MAGI2: variants seen among roughly 807,000 people sequenced by gnomAD.
MAGI2 encodes the protein membrane-associated guanylate kinase, WW and PDZ domain-containing protein 2.
MAGI2 carries 35 observed loss-of-function variants against 133.3 expected under a neutral mutation model. The ratio of observed to expected loss-of-function variants is 0.26; its 90% CI spans 0.20 to 0.35. The LOEUF (loss-of-function observed/expected upper bound fraction) is 0.35. Ranked by LOEUF, MAGI2 falls within the 10% of genes least tolerant of loss-of-function variation. The probability of loss-of-function intolerance (pLI) is 1.00; values close to 1 mark genes in which losing one functional copy is unlikely to be tolerated. For synonymous variants in MAGI2, 729 were observed against 710.6 expected (o/e 1.03, Z -0.41); for missense variants, 1,636 against 1,863.4 (o/e 0.88, Z 2.25).
At chr7:78,564,479 T>C (rs1800730365) in intron 3 of MAGI2, among the ~76,000 whole-genome samples, 1 of 152,196 alleles carries the variant, frequency 6.6e-6, no homozygotes, top group Non-Finnish European at 1.5e-5. Flanking sequence ...AAGTTTCAGG[T>C]TAGCAAAGAA....
At chr7:78,552,863 T>C (rs995425415) in intron 3 of MAGI2, among the ~76,000 whole-genome samples, 20 of 152,030 alleles carry the variant, frequency 1.3e-4, no homozygotes, top group African/African-American at 4.8e-4. Flanking sequence ...AGAAACAAGT[T>C]CGAAGGCAGA....
intron 20 of MAGI2, among the ~76,000 whole-genome samples, chr7:78,098,728 G>A (rs6950731): frequency 0.053 from 7,989 of 152,166 alleles, 311 homozygotes; most frequent in Non-Finnish European, 0.079. Context: ...AGTAGTGACC[G>A]TAGTAAGCTC....
intron 9 of MAGI2, among the ~76,000 whole-genome samples, chr7:78,319,506 A>G (rs981203735): frequency 2.6e-5 from 4 of 152,236 alleles, no homozygotes. Flanking sequence ...TGGAAACTGA[A>G]CAACCTGCTC....
intron 9 of MAGI2, among the ~76,000 whole-genome samples, chr7:78,257,617 C>T (rs1339433869): frequency 6.6e-6 from 1 of 152,004 alleles, no homozygotes; most frequent in Admixed American, 6.6e-5. Flanking sequence ...AAAATCATGG[C>T]TGTTTGAGAT....
intron 2 of MAGI2, among the ~76,000 whole-genome samples, chr7:78,786,472 A>T (rs1024668373): frequency 2.0e-5 from 3 of 152,172 alleles, no homozygotes; most frequent in Admixed American, 2.0e-4. Context: ...GAGGCCTTTC[A>T]ACATTTGCTG....
At chr7:78,951,824 A>G (rs1161922876) in intron 2 of MAGI2, among the ~76,000 whole-genome samples, 3 of 152,140 alleles carry the variant, frequency 2.0e-5, no homozygotes, top group Admixed American at 1.3e-4. Flanking sequence ...TTACTTGTGA[A>G]TTCTCTGAAA....
chr7:78,382,534 C>G (rs1205189277), intron 6 of MAGI2, among the ~76,000 whole-genome samples: 1 of 151,918 alleles, frequency 6.6e-6, no homozygotes, highest in South Asian at 2.1e-4. Context: ...CATTGAGGTT[C>G]AAAAGAGAAA....
At chr7:78,734,812 C>T (rs1023005115) in intron 2 of MAGI2, among the ~76,000 whole-genome samples, 2 of 152,154 alleles carry the variant, frequency 1.3e-5, no homozygotes, top group Admixed American at 1.3e-4. Flanking sequence ...AGCACAGAGC[C>T]TGTGGTCATC....
At chr7:79,279,596 G>T (rs1437661180) in intron 1 of MAGI2, among the ~76,000 whole-genome samples, 1 of 152,258 alleles carries the variant, frequency 6.6e-6, no homozygotes, top group East Asian at 1.9e-4. Context: ...TTGAGCCCAG[G>T]AGGTCAAACC....
intron 3 of MAGI2, among the ~76,000 whole-genome samples, chr7:78,572,172 G>GTTCA (rs2150771773): frequency 6.6e-6 from 1 of 152,244 alleles, no homozygotes; most frequent in East Asian, 1.9e-4. Flanking sequence ...TCATTTCGTG[G>GTTCA]TTCAGCAAAG....
chr7:79,400,046 G>C (rs1845360697), intron 1 of MAGI2, among the ~76,000 whole-genome samples: 1 of 152,170 alleles, frequency 6.6e-6, no homozygotes, highest in Non-Finnish European at 1.5e-5. Context: ...TTGTGAACTT[G>C]TGTTCATGAA....
At chr7:78,966,461 A>G (rs886372551) in intron 2 of MAGI2, among the ~76,000 whole-genome samples, 10 of 152,272 alleles carry the variant, frequency 6.6e-5, no homozygotes, top group African/African-American at 2.4e-4. Flanking sequence ...TTCATTTAGC[A>G]TAATATCCTA....
chr7:78,441,128 G>A (rs1000877066), intron 6 of MAGI2, among the ~76,000 whole-genome samples: 1 of 152,100 alleles, frequency 6.6e-6, no homozygotes, highest in African/African-American at 2.4e-5. Flanking sequence ...ATGAAACATA[G>A]TTCCTGACTT....
intron 2 of MAGI2, among the ~76,000 whole-genome samples, chr7:78,996,426 G>A (rs1466398308): frequency 3.9e-5 from 6 of 152,048 alleles, no homozygotes; most frequent in Non-Finnish European, 2.9e-5. Flanking sequence ...CAAATACCAC[G>A]TGTTCTCACT....
At chr7:79,265,578 A>G (rs187615333) in intron 1 of MAGI2, among the ~76,000 whole-genome samples, 3 of 152,282 alleles carry the variant, frequency 2.0e-5, no homozygotes, top group Admixed American at 2.0e-4. Context: ...TTATATAAAT[A>G]TGCATATGTG....
At chr7:79,079,428 G>T (rs955241242) in intron 1 of MAGI2, among the ~76,000 whole-genome samples, 2 of 152,076 alleles carry the variant, frequency 1.3e-5, no homozygotes, top group South Asian at 4.1e-4. Flanking sequence ...AAGGTTTCTG[G>T]TCTAATTGCT....
intron 2 of MAGI2, among the ~76,000 whole-genome samples, chr7:78,829,053 A>G (rs1190701946): frequency 6.6e-6 from 1 of 152,116 alleles, no homozygotes; most frequent in Non-Finnish European, 1.5e-5. Flanking sequence ...ATTAATCTCA[A>G]CAAAGCTTCC....
intron 2 of MAGI2, among the ~76,000 whole-genome samples, chr7:78,698,162 T>G (rs1412179812): frequency 1.3e-5 from 2 of 152,214 alleles, no homozygotes; most frequent in African/African-American, 4.8e-5. Context: ...TATATTCATA[T>G]TTCCAATAAG....
At chr7:78,552,675 G>A (rs980324815) in intron 3 of MAGI2, among the ~76,000 whole-genome samples, 3 of 152,140 alleles carry the variant, frequency 2.0e-5, no homozygotes, top group Admixed American at 1.3e-4. Flanking sequence ...GCAGGCCTGT[G>A]ATTCGTCCCA....
Sources: gnomAD v4.1 joint callset for allele counts (sites outside exome capture counted in the v4.1 genomes callset) on GRCh38, gnomAD v4.1.1 for gene constraint, MANE v1.5 for transcripts, NCBI Gene and HGNC (gene_info 2026-07-23, HGNC 2026-07-21) for gene names.